NDUFB2: variants seen among roughly 807,000 people sequenced by gnomAD.
NDUFB2 encodes NADH dehydrogenase [ubiquinone] 1 beta subcomplex subunit 2, mitochondrial.
In NDUFB2, 13 loss-of-function variants were observed where a neutral mutation model predicts 13.4. The ratio of observed to expected loss-of-function variants is 0.97; its 90% CI spans 0.63 to 1.54. NDUFB2 has a LOEUF of 1.54. Among genes scored for constraint, NDUFB2 ranks in the 40% most tolerant of loss-of-function variants. The pLI is 0.00. For synonymous variants in NDUFB2, 47 were observed against 50.6 expected, an observed-to-expected ratio of 0.93 and a Z score of 0.30; for missense variants, 150 against 139.7, an observed-to-expected ratio of 1.07 and a Z score of -0.37.
intron 1 of NDUFB2, among the ~76,000 whole-genome samples, chr7:140,698,464 G>T (rs898472712): frequency 6.6e-6 from 1 of 152,180 alleles, no homozygotes; most frequent in Non-Finnish European, 1.5e-5. Flanking sequence ...TACTGTTAAG[G>T]GTTATGAAGA....
chr7:140,698,048 T>C (rs1266114773), intron 1 of NDUFB2: 1 of 1,301,928 alleles, frequency 7.7e-7, no homozygotes, highest in Non-Finnish European at 1.0e-6. Flanking sequence ...ACCGTACAAG[T>C]ATTCTTTAAC....
intron 1 of NDUFB2, among the ~76,000 whole-genome samples, chr7:140,701,572 G>C (rs1794897714): frequency 6.6e-6 from 1 of 152,118 alleles, no homozygotes; most frequent in South Asian, 2.1e-4. Flanking sequence ...TCAGTCAGCA[G>C]AAGGATCGCT....
intron 3 of NDUFB2, chr7:140,706,178 C>T (rs1020091722): frequency 6.6e-6 from 1 of 151,962 alleles, no homozygotes; most frequent in Non-Finnish European, 1.5e-5. Context: ...GTAACCCCAA[C>T]CTCCTGAGCT....
chr7:140,703,475 A>C (rs1794926294), intron 2 of NDUFB2, among the ~76,000 whole-genome samples: 1 of 151,522 alleles, frequency 6.6e-6, no homozygotes, highest in Non-Finnish European at 1.5e-5. Context: ...GGGTTTCACC[A>C]TGTTGGTCAG....
chr7:140,701,044 T>G (rs552241285), intron 1 of NDUFB2: 1 of 152,312 alleles, frequency 6.6e-6, no homozygotes, highest in South Asian at 2.1e-4. Context: ...TCATAATTAG[T>G]TATTAATACC....
At chr7:140,698,132 A>G in intron 1 of NDUFB2, 1 of 1,351,908 alleles carries the variant, frequency 7.4e-7, no homozygotes, top group Non-Finnish European at 9.8e-7. Context: ...ATGGATGAAG[A>G]ATCTGGAGCT....
At chr7:140,697,860 G>C (rs1769538975) in intron 1 of NDUFB2, among the ~76,000 whole-genome samples, 1 of 152,104 alleles carries the variant, frequency 6.6e-6, no homozygotes, top group Non-Finnish European at 1.5e-5. Context: ...TAGGAGATGG[G>C]GTCTAACTCT....
At chr7:140,706,043 GTTATGTTATGTTATGTT>G (rs1400715086) in intron 3 of NDUFB2, 2 of 140,622 alleles carry the variant, frequency 1.4e-5, no homozygotes, top group African/African-American at 2.8e-5. Flanking sequence ...GTTATGTTAT[GTTATGTTATGTTATGTT>G]TTATGTTATG....
chr7:140,697,214 CG>C, intron 1 of NDUFB2: 1 of 649,244 alleles, frequency 1.5e-6, no homozygotes. Flanking sequence ...AGGCGGGGGG[CG>C]GCGGCGGTGA....
Position 140,699,170 on chromosome 7 carries a change from A to T in NDUFB2, c.98+2328A>T, listed in dbSNP as rs1489021852. 7.4e-4 allele frequency among the ~76,000 whole-genome samples: 112 copies of T among 152,220 alleles called. 1 individual carries two copies. Among genetic ancestry groups the T allele is most frequent in the Admixed American group, 7.3e-3 (112 of 15,280 alleles). On this transcript the variant is annotated intron_variant, in intron 1 of 3. Coordinates refer to ENST00000247866, the MANE Select transcript of NDUFB2 (RefSeq NM_004546.3). ...GAGACCCCGTCTCAAAAAAATAAAA[A>T]TAAAAATGTAACTAATAGAGTTATG... is the stretch of plus-strand genomic sequence containing the variant.
chr7:140,705,486 T>G (rs962909084), intron 3 of NDUFB2: 5 of 152,180 alleles, frequency 3.3e-5, no homozygotes, highest in African/African-American at 1.2e-4. Flanking sequence ...TTACATTTTT[T>G]ATTTTGTAGA....
Position 140,702,997 on chromosome 7 carries a change from C to T in NDUFB2, c.230C>T (p.Ser77Leu), listed in dbSNP as rs776647947. The T allele has an allele frequency of 1.2e-6, 2 of 1,613,742 alleles. No individual in the cohort carries two copies. Among genetic ancestry groups the T allele is most frequent in the Admixed American group, 1.7e-5 (1 of 59,964 alleles). The stretch of plus-strand genomic sequence containing the variant: ...ATTCTCTGGCGCTTTTGGCATGACT[C>T]AGAAGAGGTGCTGGTAAGTGCAGGA... ...FWILWRFWHD[S>L]EEVLGHFPYP... The change falls in exon 2 of 4, where the codon TCA (serine) becomes TTA (leucine). Residue 77 changes from serine to leucine, a missense_variant. Coordinates refer to ENST00000247866, the MANE Select transcript of NDUFB2 (RefSeq NM_004546.3).
At chr7:140,698,311 A>C (rs1036939454) in intron 1 of NDUFB2, 1 of 1,350,218 alleles carries the variant, frequency 7.4e-7, no homozygotes, top group Non-Finnish European at 9.8e-7. Flanking sequence ...AGAGTGTGTG[A>C]TAATTAAGTG....
intron 1 of NDUFB2, among the ~76,000 whole-genome samples, chr7:140,699,745 T>G (rs944103348): frequency 4.6e-5 from 7 of 151,512 alleles, no homozygotes; most frequent in Non-Finnish European, 1.5e-5. Flanking sequence ...TTTACTTGAA[T>G]TTTGCTCTTG....
rs1416572552 is a variant in NDUFB2, at chr7:140,697,294, A to G, written c.98+452A>G. 3.6e-5 allele frequency: 25 copies of G among 702,820 alleles called. No individual in the cohort carries two copies. The East Asian group carries it at 6.7e-4, about 19-fold the overall frequency. The allele number at this position is 702,820 out of a possible 1,614,324, so 43.5% of individuals were successfully genotyped here. On this transcript the variant is annotated intron_variant, in intron 1 of 3. Transcript: ENST00000247866. ...GAATTTAGGGTAGAGTCTGTTCGGCAGCCTTTAATCGGAGACGTCACGTGG... is the reference window on the plus strand; with the variant it reads ...GAATTTAGGGTAGAGTCTGTTCGGCGGCCTTTAATCGGAGACGTCACGTGG...
chr7:140,700,908 C>T (rs1010466959), intron 1 of NDUFB2: 2 of 152,066 alleles, frequency 1.3e-5, no homozygotes, highest in South Asian at 2.1e-4. Flanking sequence ...TATATGAGGA[C>T]ATTACGGAAA....
chr7:140,706,060 T>TATGTG (rs1402496959), intron 3 of NDUFB2: 2 of 125,034 alleles, frequency 1.6e-5, no homozygotes, highest in African/African-American at 7.0e-5. Context: ...TATGTTATGT[T>TATGTG]TTATGTTATG....
Position 140,702,936 on chromosome 7 carries a change from C to T in NDUFB2, c.169C>T (p.Gln57Ter). ...FPQLTRSQVF[Q>*]SEFFSGLMWF... ...CCAGCTGACCAGATCCCAGGTGTTCCAGAGCGAGTTCTTCAGCGGACTCAT... is the reference window on the plus strand; with the variant it reads ...CCAGCTGACCAGATCCCAGGTGTTCTAGAGCGAGTTCTTCAGCGGACTCAT... Residue 57 changes from glutamine (Q) to a stop codon, truncating the protein, a stop_gained, in exon 2 of 4, where the codon CAG becomes TAG. Transcript: ENST00000247866. LOFTEE classifies it high-confidence loss of function. 3.1e-6 allele frequency: 5 copies of T among 1,614,000 alleles called. No individual in the cohort carries two copies. Among genetic ancestry groups the T allele is most frequent in the Non-Finnish European group, 4.2e-6 (5 of 1,180,002 alleles).
rs1172014964 is a variant in NDUFB2, at chr7:140,698,210, C to G, written c.98+1368C>G. ...TTGGGCAAAGACAGTGATGGAGAGC[C>G]ATGAGCGACAGCCCTTGGTCCTGCA... On this transcript the variant is annotated intron_variant, in intron 1 of 3. Coordinates refer to ENST00000247866, the MANE Select transcript of NDUFB2 (RefSeq NM_004546.3). 1.3e-5 allele frequency: 17 copies of G among 1,351,898 alleles called. No homozygotes were observed. In the Admixed American group the frequency reaches 3.2e-4, roughly 26 times the overall value. 83.7% of individuals were successfully genotyped at this position (1,351,898 alleles called of 1,614,324 possible).
Sources: gnomAD v4.1 joint callset for allele counts (sites outside exome capture counted in the v4.1 genomes callset) on GRCh38, gnomAD v4.1.1 for gene constraint, MANE v1.5 for transcripts, NCBI Gene and HGNC (gene_info 2026-07-23, HGNC 2026-07-21) for gene names.